RALA: variants seen among roughly 807,000 people sequenced by gnomAD.
RALA encodes the protein ras-related protein Ral-A.
A neutral mutation model predicts 24.0 loss-of-function variants in RALA; 5 were observed. The observed-to-expected ratio is 0.21, with a 90% confidence interval of 0.11 to 0.44. The LOEUF (loss-of-function observed/expected upper bound fraction) is 0.44, where lower values mean the gene tolerates loss of function less well. RALA is among the 20% of genes least tolerant of loss of function. RALA has a pLI of 0.99. For missense variants in RALA, 95 were observed against 241.2 expected, an observed-to-expected ratio of 0.39 and a Z score of 4.01; for synonymous variants, 77 against 83.8, an observed-to-expected ratio of 0.92 and a Z score of 0.44.
intron 1 of RALA, among the ~76,000 whole-genome samples, chr7:39,633,947 G>T (rs1307712380): frequency 1.3e-5 from 2 of 152,128 alleles, no homozygotes; most frequent in Non-Finnish European, 2.9e-5. Context: ...AGTTCAAGTA[G>T]CGTATTTTCT....
At chr7:39,671,732 A>G (rs1792392405) in intron 1 of RALA, among the ~76,000 whole-genome samples, 1 of 152,194 alleles carries the variant, frequency 6.6e-6, no homozygotes, top group African/African-American at 2.4e-5. Context: ...GCCATCAACT[A>G]CTGTACCCTT....
At chr7:39,685,752 G>A (rs766508498) in intron 1 of RALA, among the ~76,000 whole-genome samples, 6 of 151,912 alleles carry the variant, frequency 3.9e-5, no homozygotes, top group Admixed American at 6.6e-5. Context: ...GGTATACAGT[G>A]TTGAATTCTG....
chr7:39,666,366 G>C (rs1470721438), intron 1 of RALA, among the ~76,000 whole-genome samples: 1 of 152,174 alleles, frequency 6.6e-6, no homozygotes, highest in Non-Finnish European at 1.5e-5. Context: ...GTGTGTGTTG[G>C]AAGGTGATGA....
chr7:39,631,147 A>G (rs979536707), intron 1 of RALA, among the ~76,000 whole-genome samples: 1 of 151,880 alleles, frequency 6.6e-6, no homozygotes, highest in African/African-American at 2.4e-5. Flanking sequence ...AGCTGGAACC[A>G]CAGGCGTGTG....
At chr7:39,653,001 T>A (rs541278840) in intron 1 of RALA, among the ~76,000 whole-genome samples, 73 of 151,768 alleles carry the variant, frequency 4.8e-4, no homozygotes, top group Non-Finnish European at 9.0e-4. Flanking sequence ...ATTATTATTG[T>A]TAGCCAGGCT....
chr7:39,643,676 CA>C (rs34787203), intron 1 of RALA, among the ~76,000 whole-genome samples: 52,131 of 151,962 alleles, frequency 0.34, 9,345 homozygotes, highest in South Asian at 0.4. Flanking sequence ...GCCTACATAT[CA>C]AAACCCCGTC....
intron 1 of RALA, among the ~76,000 whole-genome samples, chr7:39,674,061 AT>A (rs1430126767): frequency 6.6e-6 from 1 of 150,934 alleles, no homozygotes; most frequent in African/African-American, 2.4e-5. Flanking sequence ...AAATAAATAA[AT>A]AAATAAATAA....
At chr7:39,628,682 A>G (rs1380335886) in intron 1 of RALA, among the ~76,000 whole-genome samples, 1 of 152,046 alleles carries the variant, frequency 6.6e-6, no homozygotes, top group African/African-American at 2.4e-5. Flanking sequence ...CAGCCTCCCG[A>G]GTAGCTGGGA....
chr7:39,672,407 G>A (rs1242282020), intron 1 of RALA, among the ~76,000 whole-genome samples: 1 of 152,158 alleles, frequency 6.6e-6, no homozygotes, highest in African/African-American at 2.4e-5. Flanking sequence ...GTGCCAGGAT[G>A]TGAAAGCAAC....
chr7:39,626,036 A>G (rs984477934), intron 1 of RALA, among the ~76,000 whole-genome samples: 6 of 151,190 alleles, frequency 4.0e-5, no homozygotes, highest in Non-Finnish European at 2.9e-5. Flanking sequence ...TAATGAGGAA[A>G]AAGACTATGA....
chr7:39,663,068 G>C (rs944233449), intron 1 of RALA, among the ~76,000 whole-genome samples: 8 of 152,112 alleles, frequency 5.3e-5, no homozygotes, highest in Non-Finnish European at 7.4e-5. Context: ...AATAGTGTGG[G>C]GGAAACTGCC....
intron 1 of RALA, among the ~76,000 whole-genome samples, chr7:39,637,227 G>A (rs1791697114): frequency 6.6e-6 from 1 of 152,128 alleles, no homozygotes; most frequent in South Asian, 2.1e-4. Flanking sequence ...CCAAAATGAT[G>A]CTAGGTTTAA....
In RALA at chr7:39,677,507, A is replaced by G. The variant is rs370390315; in HGVS notation, c.-37-9124A>G. Among the ~76,000 whole-genome samples, 215 of 93,880 alleles carry G rather than the reference A, an allele frequency of 2.3e-3. 1 individual carries two copies. The highest frequency in any genetic ancestry group is 8.0e-3 in the African/African-American group (185 of 23,050). The allele number at this position is 93,880 out of a possible 152,430, so 61.6% of individuals were successfully genotyped here. A position where few individuals can be genotyped will look rare whatever the true frequency, so the allele number is the denominator to read the frequency against. Reference sequence around the variant, plus strand: ...CTTTGCTATTGTGAATAATGCCGCAATAAACATACGTGTGCATGTGTCTTT... The same window carrying G: ...CTTTGCTATTGTGAATAATGCCGCAGTAAACATACGTGTGCATGTGTCTTT... On this transcript the variant is annotated intron_variant, in intron 1 of 4. Transcript: ENST00000005257.
intron 1 of RALA, among the ~76,000 whole-genome samples, chr7:39,648,098 G>A (rs181777334): frequency 1.3e-5 from 2 of 152,246 alleles, no homozygotes; most frequent in East Asian, 1.9e-4. Flanking sequence ...CTTTATAGAG[G>A]CTGTCATCAT....
intron 2 of RALA, among the ~76,000 whole-genome samples, chr7:39,689,206 C>T (rs1422315517): frequency 6.6e-6 from 1 of 152,148 alleles, no homozygotes; most frequent in African/African-American, 2.4e-5. Flanking sequence ...CCAGTCTGAT[C>T]TTGAACTAAC....
intron 1 of RALA, among the ~76,000 whole-genome samples, chr7:39,629,482 T>C (rs558447664): frequency 6.6e-6 from 1 of 152,306 alleles, no homozygotes; most frequent in African/African-American, 2.4e-5. Flanking sequence ...TGGCACGATC[T>C]CTGCTCACTG....
intron 1 of RALA, among the ~76,000 whole-genome samples, chr7:39,665,865 C>G (rs1792279762): frequency 6.6e-6 from 1 of 150,568 alleles, no homozygotes; most frequent in African/African-American, 2.4e-5. Flanking sequence ...TTTTTTAATC[C>G]TGGCTTCACA....
At chr7:39,705,004 C>G (rs192894717) in intron 4 of RALA, among the ~76,000 whole-genome samples, 1 of 152,138 alleles carries the variant, frequency 6.6e-6, no homozygotes, top group Non-Finnish European at 1.5e-5. Context: ...CGTAAAACAC[C>G]TATGTCTCTA....
At chr7:39,655,927 T>C (rs1204485993) in intron 1 of RALA, among the ~76,000 whole-genome samples, 1 of 152,192 alleles carries the variant, frequency 6.6e-6, no homozygotes, top group Admixed American at 6.5e-5. Context: ...GGAATTTAGA[T>C]TTTCACCTAT....
Sources: gnomAD v4.1 joint callset for allele counts (sites outside exome capture counted in the v4.1 genomes callset) on GRCh38, gnomAD v4.1.1 for gene constraint, MANE v1.5 for transcripts, NCBI Gene and HGNC (gene_info 2026-07-23, HGNC 2026-07-21) for gene names.